The following PRICKLE1 variants were observed in gnomAD, a reference collection of about 807,000 sequenced individuals.
The protein encoded by PRICKLE1 is prickle-like protein 1.
In PRICKLE1, 14 loss-of-function variants were observed where a neutral mutation model predicts 70.2. That is an observed-to-expected ratio of 0.20 (90% CI 0.13 to 0.31). The LOEUF is 0.31. Among genes scored for constraint, PRICKLE1 ranks in the 10% least tolerant of loss-of-function variants. The probability of loss-of-function intolerance (pLI) is 1.00; values close to 1 mark genes in which losing one functional copy is unlikely to be tolerated. For synonymous variants in PRICKLE1, 357 were observed against 379.9 expected, an observed-to-expected ratio of 0.94 and a Z score of 0.70; for missense variants, 821 against 1,026.2, an observed-to-expected ratio of 0.80 and a Z score of 2.73.
chr12:42,574,906 CT>C (rs879386873), intron 1 of PRICKLE1, among the ~76,000 whole-genome samples: 669 of 127,304 alleles, frequency 5.3e-3, no homozygotes, highest in Middle Eastern at 8.3e-3. Flanking sequence ...CTTGGTAAAG[CT>C]TTTTTTTTTT....
At chr12:42,492,262 C>T (rs558382587) in intron 1 of PRICKLE1, among the ~76,000 whole-genome samples, 1 of 152,128 alleles carries the variant, frequency 6.6e-6, no homozygotes, top group African/African-American at 2.4e-5. Context: ...GCACTACACC[C>T]AGCTAAATTT....
chr12:42,509,241 T>C (rs1226828011), intron 1 of PRICKLE1, among the ~76,000 whole-genome samples: 1 of 152,214 alleles, frequency 6.6e-6, no homozygotes, highest in East Asian at 1.9e-4. Flanking sequence ...CTCGATCTCA[T>C]CTGTAGTTCC....
intron 1 of PRICKLE1, among the ~76,000 whole-genome samples, chr12:42,570,062 T>C (rs778427500): frequency 6.6e-6 from 1 of 152,274 alleles, no homozygotes; most frequent in African/African-American, 2.4e-5. Context: ...CAAAGCCTTA[T>C]AGGCTCATTA....
chr12:42,523,171 G>A (rs1392877307), intron 1 of PRICKLE1, among the ~76,000 whole-genome samples: 1 of 152,116 alleles, frequency 6.6e-6, no homozygotes, highest in Non-Finnish European at 1.5e-5. Context: ...GTTTCACTGT[G>A]TTAGCCAGGA....
At chr12:42,548,744 A>G (rs1940254961) in intron 1 of PRICKLE1, among the ~76,000 whole-genome samples, 1 of 152,166 alleles carries the variant, frequency 6.6e-6, no homozygotes, top group African/African-American at 2.4e-5. Flanking sequence ...AGAATGTGCT[A>G]TCCTGTCCAT....
intron 1 of PRICKLE1, among the ~76,000 whole-genome samples, chr12:42,474,539 A>G (rs1420998865): frequency 7.9e-5 from 12 of 152,232 alleles, no homozygotes; most frequent in African/African-American, 2.7e-4. Context: ...ACAAGGCATC[A>G]TTTCACACAG....
chr12:42,547,843 T>G (rs1256638316), intron 1 of PRICKLE1, among the ~76,000 whole-genome samples: 4 of 152,170 alleles, frequency 2.6e-5, no homozygotes, highest in African/African-American at 9.7e-5. Context: ...CTGAAGTACT[T>G]GGGAGAAGAA....
intron 1 of PRICKLE1, among the ~76,000 whole-genome samples, chr12:42,554,714 T>A (rs1447533485): frequency 1.3e-5 from 2 of 152,178 alleles, no homozygotes; most frequent in East Asian, 3.9e-4. Flanking sequence ...AGGAGTGAAT[T>A]TGCTAATGCC....
At chr12:42,541,585 G>C (rs759071773) in intron 1 of PRICKLE1, among the ~76,000 whole-genome samples, 1 of 152,010 alleles carries the variant, frequency 6.6e-6, no homozygotes, top group Admixed American at 6.5e-5. Flanking sequence ...TGATTCTCCT[G>C]CCTCAGCCTC....
At chr12:42,574,521 A>G (rs931969267) in intron 1 of PRICKLE1, among the ~76,000 whole-genome samples, 1 of 152,266 alleles carries the variant, frequency 6.6e-6, no homozygotes, top group African/African-American at 2.4e-5. Flanking sequence ...CACATATGCT[A>G]CAAAATATTT....
At chr12:42,553,181 G>T (rs1219689643) in intron 1 of PRICKLE1, among the ~76,000 whole-genome samples, 1 of 151,760 alleles carries the variant, frequency 6.6e-6, no homozygotes, top group African/African-American at 2.4e-5. Flanking sequence ...GGTGGCTCAC[G>T]CCTGTAATCC....
At chr12:42,461,109 G>A (rs1937815420) in intron 7 of PRICKLE1, among the ~76,000 whole-genome samples, 1 of 152,086 alleles carries the variant, frequency 6.6e-6, no homozygotes, top group Non-Finnish European at 1.5e-5. Flanking sequence ...TCGAACTCCC[G>A]ACCTCAGGTG....
At chr12:42,507,287 T>C (rs1939437078) in intron 1 of PRICKLE1, among the ~76,000 whole-genome samples, 1 of 152,146 alleles carries the variant, frequency 6.6e-6, no homozygotes, top group Non-Finnish European at 1.5e-5. Flanking sequence ...ATTTGGGGGA[T>C]AGGGGATAGT....
intron 1 of PRICKLE1, among the ~76,000 whole-genome samples, chr12:42,573,829 C>G (rs1412270292): frequency 6.6e-6 from 1 of 152,178 alleles, no homozygotes; most frequent in Non-Finnish European, 1.5e-5. Flanking sequence ...AGCCACCGCA[C>G]CAGGCTGAGC....
intron 1 of PRICKLE1, among the ~76,000 whole-genome samples, chr12:42,530,419 G>A (rs1939890452): frequency 6.6e-6 from 1 of 152,040 alleles, no homozygotes; most frequent in South Asian, 2.1e-4. Flanking sequence ...TCAAGTCACT[G>A]TTCAGTCCAC....
At chr12:42,477,482 G>GTA (rs139988285) in intron 1 of PRICKLE1, among the ~76,000 whole-genome samples, 61 of 116,284 alleles carry the variant, frequency 5.2e-4, no homozygotes, top group African/African-American at 1.8e-3. Flanking sequence ...GTGTGTGTGT[G>GTA]TATATATATA....
intron 1 of PRICKLE1, among the ~76,000 whole-genome samples, chr12:42,489,481 G>A: frequency 6.7e-6 from 1 of 150,162 alleles, no homozygotes; most frequent in Non-Finnish European, 1.5e-5. Flanking sequence ...CCAACATGGT[G>A]AAACCCCGTC....
chr12:42,518,378 G>A (rs890593065), intron 1 of PRICKLE1, among the ~76,000 whole-genome samples: 1 of 152,132 alleles, frequency 6.6e-6, no homozygotes, highest in African/African-American at 2.4e-5. Context: ...ATGATCACTT[G>A]TCTACTAACA....
rs1315949505 is a variant in PRICKLE1 at position 42,458,027 on chromosome 12, A to G, written c.*1782T>C. 1 of 152,196 alleles carries G rather than the reference A, an allele frequency of 6.6e-6. No individual in the cohort carries two copies. The highest frequency in any genetic ancestry group is 2.4e-5 in the African/African-American group (1 of 41,438). 9.4% of individuals were successfully genotyped at this position (152,196 alleles called of 1,614,324 possible). On this transcript the variant is annotated 3_prime_UTR_variant, in exon 8 of 8. Transcript: ENST00000345127. ...AAGTTACTGAGTGAAGAACTCTCTC[A>G]CCATTGGTGCTTTTCTGAAGGGAAT...
Sources: allele counts gnomAD v4.1 joint callset (sites outside exome capture counted in the v4.1 genomes callset), GRCh38; gene constraint gnomAD v4.1.1; transcripts MANE v1.5; gene names NCBI Gene and HGNC (gene_info 2026-07-23, HGNC 2026-07-21).